ZNF354B: variants seen among roughly 807,000 people sequenced by gnomAD.
ZNF354B encodes the protein zinc finger protein 354B.
In ZNF354B, 10 loss-of-function variants were observed where a neutral mutation model predicts 12.9. The observed-to-expected ratio is 0.77, with a 90% CI of 0.48 to 1.31. The LOEUF (loss-of-function observed/expected upper bound fraction) is 1.31. Among genes scored for constraint, ZNF354B ranks in the 40% most tolerant of loss-of-function variants. The pLI is 0.00. For synonymous variants in ZNF354B, 260 were observed against 243.7 expected, an observed-to-expected ratio of 1.07 and a Z score of -0.62; for missense variants, 614 against 711.7, an observed-to-expected ratio of 0.86 and a Z score of 1.56.
chr5:178,863,532 C>G (rs1466664493), intron 2 of ZNF354B, among the ~76,000 whole-genome samples: 2 of 152,198 alleles, frequency 1.3e-5, no homozygotes, highest in Non-Finnish European at 2.9e-5. Context: ...TAAAAGTATA[C>G]AGCATATGCG....
chr5:178,863,809 G>A (rs781293777), intron 2 of ZNF354B, among the ~76,000 whole-genome samples: 6 of 152,076 alleles, frequency 3.9e-5, no homozygotes, highest in Admixed American at 3.9e-4. Flanking sequence ...ATGCTGACCC[G>A]TGTAGGCCTA....
chr5:178,868,730 T>C (rs895360846), intron 4 of ZNF354B, among the ~76,000 whole-genome samples: 2 of 152,042 alleles, frequency 1.3e-5, no homozygotes, highest in African/African-American at 4.8e-5. Context: ...CCGAGCACTT[T>C]GGGAGGCCGA....
At chr5:178,873,285 A>G (rs1757589794) in intron 4 of ZNF354B, among the ~76,000 whole-genome samples, 1 of 152,110 alleles carries the variant, frequency 6.6e-6, no homozygotes, top group Non-Finnish European at 1.5e-5. Flanking sequence ...GAAGAACACA[A>G]TTTTTAATTT....
At chr5:178,872,439 T>C (rs772315796) in intron 4 of ZNF354B, among the ~76,000 whole-genome samples, 3 of 152,234 alleles carry the variant, frequency 2.0e-5, no homozygotes, top group Non-Finnish European at 4.4e-5. Context: ...ATAATGCTGT[T>C]ATAAACATTC....
chr5:178,864,498 C>T (rs1025139940), intron 2 of ZNF354B, among the ~76,000 whole-genome samples: 10 of 152,102 alleles, frequency 6.6e-5, no homozygotes, highest in African/African-American at 1.4e-4. Flanking sequence ...ATGCGACACA[C>T]GACTGTGTAC....
intron 4 of ZNF354B, among the ~76,000 whole-genome samples, chr5:178,882,487 T>C (rs1314414476): frequency 6.6e-6 from 1 of 152,232 alleles, no homozygotes; most frequent in Non-Finnish European, 1.5e-5. Context: ...ATTCTCTTGG[T>C]CACTCTTACA....
In ZNF354B at chr5:178,860,124, G is replaced by T. The variant is rs1181507480; in HGVS notation, c.-55G>T. 1 of 152,680 alleles carries T rather than the reference G, an allele frequency of 6.5e-6. No individual in the cohort carries two copies. Among genetic ancestry groups the T allele is most frequent in the African/African-American group, 2.4e-5 (1 of 41,464 alleles). 9.5% of individuals were successfully genotyped at this position (152,680 alleles called of 1,614,324 possible). A position where few individuals can be genotyped will look rare whatever the true frequency, so the allele number is the denominator to read the frequency against. Reference sequence around the variant, plus strand: ...GCGGCCCGGGAACGCGGGATCCTGGGGAGGTGAGCGGCATGGCTGGCTGTG... The same window carrying T: ...GCGGCCCGGGAACGCGGGATCCTGGTGAGGTGAGCGGCATGGCTGGCTGTG... On this transcript the variant is annotated 5_prime_UTR_variant, in exon 1 of 5. Coordinates refer to ENST00000322434, the MANE Select transcript of ZNF354B (RefSeq NM_058230.3).
rs148337207 is a variant in ZNF354B, at chr5:178,883,919, T to C, written c.1467T>C (p.Thr489=). The C allele has an allele frequency of 2.5e-6, 4 of 1,613,972 alleles. No individual in the cohort carries two copies. The African/African-American group carries it at 4.0e-5, about 16-fold the overall frequency. ...TCATTCAACATCAGAGAATGCATACTGGAGAAAGACCCTATAAGTGTAACG... is the reference window on the plus strand; with the variant it reads ...TCATTCAACATCAGAGAATGCATACCGGAGAAAGACCCTATAAGTGTAACG... ...SALIQHQRMH[T]GERPYKCNEC... is the part of the protein sequence containing the mutation. Residue 489 remains threonine, a synonymous_variant, in exon 5 of 5, where the codon ACT becomes ACC. Transcript: ENST00000322434.
chr5:178,871,608 C>T (rs1490937707), intron 4 of ZNF354B, among the ~76,000 whole-genome samples: 2 of 152,190 alleles, frequency 1.3e-5, no homozygotes, highest in African/African-American at 2.4e-5. Flanking sequence ...CTAAAACAGT[C>T]CCTGGCCAGG....
Position 178,866,561 on chromosome 5 carries a change from C to T in ZNF354B, c.160+191C>T, listed in dbSNP as rs6877197. Among the ~76,000 whole-genome samples, 28,111 of 152,070 alleles carry T rather than the reference C, an allele frequency of 0.18. 2,824 individuals carry two copies. The highest frequency in any genetic ancestry group is 0.23 in the Non-Finnish European group (15,969 of 67,986). ...AGTATGGAATTGCTCTATGTCTTGG[C>T]GGGTGGGTATTGATAATTATCCCCT... On this transcript the variant is annotated intron_variant, in intron 3 of 4. Coordinates refer to ENST00000322434, the MANE Select transcript of ZNF354B (RefSeq NM_058230.3).
chr5:178,862,458 C>T (rs1757373054), intron 2 of ZNF354B, among the ~76,000 whole-genome samples: 1 of 151,740 alleles, frequency 6.6e-6, no homozygotes, highest in African/African-American at 2.4e-5. Flanking sequence ...CCTCCGCCTC[C>T]CTGGTTCAAG....
rs761877024 is a variant in ZNF354B at position 178,883,479 on chromosome 5, G to A, written c.1027G>A (p.Gly343Arg). ...KASSYSTSLS[G>R]SQKIHLRKKS... ...ATCCAGTTACAGCACTTCCCTTTCT[G>A]GAAGTCAGAAAATTCATCTCAGAAA... Residue 343 changes from glycine (G) to arginine (R), a missense_variant, in exon 5 of 5, where the codon GGA (glycine) becomes AGA (arginine). Physicochemically the swap from Gly to Arg is moderately radical, Grantham distance 125 (BLOSUM62 -2). Coordinates refer to ENST00000322434, the MANE Select transcript of ZNF354B (RefSeq NM_058230.3). 1 of 1,614,042 alleles carries A rather than the reference G, an allele frequency of 6.2e-7. No individual in the cohort carries two copies. Among genetic ancestry groups the A allele is most frequent in the Non-Finnish European group, 8.5e-7 (1 of 1,179,966 alleles).
chr5:178,878,545 T>C (rs1007552495), intron 4 of ZNF354B, among the ~76,000 whole-genome samples: 2 of 152,224 alleles, frequency 1.3e-5, no homozygotes, highest in African/African-American at 4.8e-5. Context: ...TTAACCTCGG[T>C]GCCCATTTAG....
Position 178,883,859 on chromosome 5 carries a change from A to C in ZNF354B, c.1407A>C (p.Lys469Asn), listed in dbSNP as rs747944758. The C allele has an allele frequency of 6.2e-7, 1 of 1,614,102 alleles. No homozygotes were observed. The highest frequency in any genetic ancestry group is 8.5e-7 in the Non-Finnish European group (1 of 1,179,986). The change falls in exon 5 of 5, where the codon AAA (lysine) becomes AAC (asparagine). Residue 469 changes from lysine to asparagine, a missense_variant. Coordinates refer to ENST00000322434, the MANE Select transcript of ZNF354B (RefSeq NM_058230.3). ...CTGGAGAAAAACCATGTAAATGTAA[A>C]GTATGTGGAAAAGCCTTCAGACAGA... Reference protein sequence around the residue: ...IHTGEKPCKCKVCGKAFRQSS... With the variant: ...IHTGEKPCKCNVCGKAFRQSS...
At position 178,883,553 on chromosome 5, in the gene ZNF354B, A is replaced by G; in HGVS notation, c.1101A>G (p.Ser367=). ...NECGNTFKSS[S]SLRYHQRIHT... The stretch of plus-strand genomic sequence containing the variant: ...GTGGCAACACCTTTAAGTCTAGCTC[A>G]TCCCTTCGTTATCATCAGAGAATTC... Residue 367 remains serine, a synonymous_variant, in exon 5 of 5, where the codon TCA becomes TCG. Coordinates refer to ENST00000322434, the MANE Select transcript of ZNF354B (RefSeq NM_058230.3). 1 of 1,613,794 alleles carries G rather than the reference A, an allele frequency of 6.2e-7. No individual in the cohort carries two copies.
chr5:178,884,566 C>A lies in ZNF354B; in HGVS notation c.*275C>A. 1 of 262,628 alleles carries A rather than the reference C, an allele frequency of 3.8e-6. No homozygotes were observed. The highest frequency in any genetic ancestry group is 1.2e-3 in the Middle Eastern group (1 of 838). 16.3% of individuals were successfully genotyped at this position (262,628 alleles called of 1,614,324 possible). On this transcript the variant is annotated 3_prime_UTR_variant, in exon 5 of 5. Coordinates refer to ENST00000322434, the MANE Select transcript of ZNF354B (RefSeq NM_058230.3). ...TATAATATATGCTATCTATGACATGCAAAAAAGAAAAGTCTGGGTGCTGAG... is the reference window on the plus strand; with the variant it reads ...TATAATATATGCTATCTATGACATGAAAAAAAGAAAAGTCTGGGTGCTGAG...
At chr5:178,869,849 C>T (rs931280334) in intron 4 of ZNF354B, among the ~76,000 whole-genome samples, 1 of 152,132 alleles carries the variant, frequency 6.6e-6, no homozygotes, top group Non-Finnish European at 1.5e-5. Flanking sequence ...AGGGTGCTGA[C>T]GTGCTTGCAT....
At chr5:178,877,499 C>A (rs1019818471) in intron 4 of ZNF354B, among the ~76,000 whole-genome samples, 1 of 152,020 alleles carries the variant, frequency 6.6e-6, no homozygotes, top group African/African-American at 2.4e-5. Flanking sequence ...TTCCCCAAAG[C>A]AGAAAAAGAG....
intron 4 of ZNF354B, among the ~76,000 whole-genome samples, chr5:178,873,583 G>GTGTT (rs138258833): frequency 0.15 from 22,476 of 151,992 alleles, 2,011 homozygotes; most frequent in African/African-American, 0.25. Flanking sequence ...TCACTTGGGC[G>GTGTT]TGTTGGGTTG....
Sources: gnomAD v4.1 joint callset for allele counts (sites outside exome capture counted in the v4.1 genomes callset) on GRCh38, gnomAD v4.1.1 for gene constraint, MANE v1.5 for transcripts, NCBI Gene and HGNC (gene_info 2026-07-23, HGNC 2026-07-21) for gene names.